The following SMYD3 variants were observed in gnomAD, a reference collection of about 807,000 sequenced individuals.
SMYD3 encodes the protein SET and MYND domain containing 3, also known as histone-lysine N-methyltransferase SMYD3.
A neutral mutation model predicts 57.7 loss-of-function variants in SMYD3; 36 were observed. The observed-to-expected ratio is 0.62, with a 90% CI of 0.48 to 0.82. SMYD3 has a LOEUF of 0.82. Among genes scored for constraint, SMYD3 ranks in the 40% least tolerant of loss-of-function variants. SMYD3 has a pLI of 0.00. For missense variants in SMYD3, 515 were observed against 538.8 expected (o/e 0.96, Z 0.44); for synonymous variants, 211 against 195.0 (o/e 1.08, Z -0.68).
intron 1 of SMYD3, among the ~76,000 whole-genome samples, chr1:246,380,467 A>G (rs915698509): frequency 6.6e-5 from 10 of 152,254 alleles, no homozygotes; most frequent in African/African-American, 2.4e-4. Context: ...TCATTACTTG[A>G]ATGCTTTTTA....
chr1:246,250,093 T>C (rs1780787), intron 5 of SMYD3, among the ~76,000 whole-genome samples: 1 of 152,186 alleles, frequency 6.6e-6, no homozygotes, highest in Non-Finnish European at 1.5e-5. Flanking sequence ...AAAAATTCTA[T>C]AAAATCTAAA....
chr1:245,955,982 G>T (rs1173024065), intron 5 of SMYD3: 8 of 985,042 alleles, frequency 8.1e-6, no homozygotes, highest in Non-Finnish European at 9.6e-6. Context: ...TCTAGGAGGC[G>T]CTTATGAAGA....
intron 5 of SMYD3, among the ~76,000 whole-genome samples, chr1:246,233,754 C>T (rs1294573293): frequency 8.5e-6 from 1 of 117,018 alleles, no homozygotes; most frequent in Non-Finnish European, 1.7e-5. Context: ...CTGTGATGAA[C>T]ATATACCACG....
At position 245,978,768 on chromosome 1, in the gene SMYD3, T is replaced by C. The variant is rs577160682; in HGVS notation, c.532-48831A>G. The stretch of plus-strand genomic sequence containing the variant: ...ACCTGTGCTGGCCTTTCCGCCTTAC[T>C]TCCCAAACTCCTCTCCCATTTCTCA... On this transcript the variant is annotated intron_variant, in intron 5 of 11. Coordinates refer to ENST00000490107, the MANE Select transcript of SMYD3 (RefSeq NM_001167740.2). Among the ~76,000 whole-genome samples, 3 of 152,270 alleles carry C rather than the reference T, an allele frequency of 2.0e-5. No individual in the cohort carries two copies. In the South Asian group the frequency reaches 6.2e-4, roughly 32 times the overall value.
rs1274664517 is a variant in SMYD3, at chr1:245,927,985, G to C, written c.648C>G (p.Phe216Leu). ...HSCDPNCSIV[F>L]NGPHLLLRAV... The stretch of plus-strand genomic sequence containing the variant: ...CTCGCAGTAAGAGGTGGGGCCCATT[G>C]AACACAATCGAACAGTTGGGGTCAC... The change falls in exon 7 of 12, where the codon TTC becomes TTG. Residue 216 changes from phenylalanine to leucine, a missense_variant. By Grantham distance (22) the Phe-to-Leu change is conservative (BLOSUM62 0). Coordinates refer to ENST00000490107, the MANE Select transcript of SMYD3 (RefSeq NM_001167740.2). 4 of 1,612,664 alleles carry C rather than the reference G, an allele frequency of 2.5e-6. No homozygotes were observed. Among genetic ancestry groups the C allele is most frequent in the Non-Finnish European group, 2.5e-6 (3 of 1,179,260 alleles).
At chr1:246,256,175 A>C (rs1204597943) in intron 5 of SMYD3, among the ~76,000 whole-genome samples, 4 of 152,150 alleles carry the variant, frequency 2.6e-5, no homozygotes, top group Non-Finnish European at 4.4e-5. Context: ...GGAAGCATCC[A>C]GCATGGGAGA....
chr1:246,291,927 TACACCAGCATCTTAGACTTACTATCCAAC>T (rs2064699311), intron 5 of SMYD3, among the ~76,000 whole-genome samples: 1 of 113,256 alleles, frequency 8.8e-6, no homozygotes, highest in African/African-American at 3.3e-5. Context: ...TACTATCCAA[TACACCAGCATCTTAGACTTACTATCCAAC>T]ACACCAGCAT....
chr1:246,357,784 C>A (rs1003176436), intron 1 of SMYD3, among the ~76,000 whole-genome samples: 7 of 152,252 alleles, frequency 4.6e-5, no homozygotes, highest in African/African-American at 1.7e-4. Context: ...CACTACCAAG[C>A]CAGCACTACA....
intron 10 of SMYD3, among the ~76,000 whole-genome samples, chr1:245,849,708 A>G (rs1470965955): frequency 6.6e-6 from 1 of 152,092 alleles, no homozygotes; most frequent in Non-Finnish European, 1.5e-5. Context: ...GTTAGAGTGC[A>G]ACGACGTGAT....
intron 6 of SMYD3, 71 bp downstream of exon 6, chr1:245,929,799 C>T: frequency 2.4e-6 from 3 of 1,269,786 alleles, no homozygotes; most frequent in Non-Finnish European, 2.3e-6. Flanking sequence ...TTCTAACTAC[C>T]TCCAAAGGGC....
chr1:246,326,969 A>G (rs115042908), intron 5 of SMYD3: 11,160 of 533,582 alleles, frequency 0.021, 166 homozygotes, highest in Middle Eastern at 0.032. Context: ...GAGAATTCAC[A>G]ATGAACATAC....
intron 1 of SMYD3, among the ~76,000 whole-genome samples, chr1:246,478,652 C>T (rs66746206): frequency 1.3e-4 from 15 of 114,020 alleles, no homozygotes; most frequent in Admixed American, 3.3e-4. Flanking sequence ...TGTCCTCCGT[C>T]CTGGAGCTGG....
At chr1:245,842,732 G>A (rs2050467560) in intron 10 of SMYD3, among the ~76,000 whole-genome samples, 1 of 151,936 alleles carries the variant, frequency 6.6e-6, no homozygotes, top group Non-Finnish European at 1.5e-5. Context: ...TTTTAGAGAT[G>A]GGGTCTTGTT....
chr1:246,052,844 G>A (rs2060085581), intron 5 of SMYD3: 1 of 152,178 alleles, frequency 6.6e-6, no homozygotes, highest in African/African-American at 2.4e-5. Context: ...TTAAGTGTAA[G>A]GCACTTTGTA....
intron 7 of SMYD3, among the ~76,000 whole-genome samples, chr1:245,919,883 C>A (rs2147794416): frequency 6.6e-6 from 1 of 152,312 alleles, no homozygotes; most frequent in African/African-American, 2.4e-5. Flanking sequence ...TGCAGTAAAT[C>A]ATTTCTGACA....
intron 3 of SMYD3, among the ~76,000 whole-genome samples, chr1:246,331,209 TA>T (rs536697041): frequency 6.6e-6 from 1 of 151,906 alleles, no homozygotes; most frequent in African/African-American, 2.4e-5. Flanking sequence ...TAAAGATGGG[TA>T]AAAAAATCTA....
intron 5 of SMYD3, among the ~76,000 whole-genome samples, chr1:246,102,758 T>C (rs114349045): frequency 6.7e-6 from 1 of 149,038 alleles, no homozygotes; most frequent in Non-Finnish European, 1.5e-5. Context: ...AAAAAAAAAA[T>C]AATAATAATA....
At chr1:246,118,813 T>TTC (rs2061379545) in intron 5 of SMYD3, among the ~76,000 whole-genome samples, 1 of 4,180 alleles carries the variant, frequency 2.4e-4, no homozygotes, top group Admixed American at 4.2e-3. Flanking sequence ...AGGCACGTGC[T>TTC]TTTTTTTTTT....
intron 1 of SMYD3, among the ~76,000 whole-genome samples, chr1:246,378,528 T>A (rs1275029006): frequency 6.7e-6 from 1 of 149,372 alleles, no homozygotes; most frequent in African/African-American, 2.5e-5. Flanking sequence ...AACATCAGAC[T>A]CCAAGTTCTT....
Sources: allele counts gnomAD v4.1 joint callset (sites outside exome capture counted in the v4.1 genomes callset), GRCh38; gene constraint gnomAD v4.1.1; transcripts MANE v1.5; gene names NCBI Gene and HGNC (gene_info 2026-07-23, HGNC 2026-07-21).